Variants in ZNF257 observed in about 807,000 individuals in gnomAD.
ZNF257 encodes zinc finger protein 257, also known as bone marrow zinc finger 4.
ZNF257 carries 12 observed loss-of-function variants against 11.9 expected under a neutral mutation model. The ratio of observed to expected loss-of-function variants is 1.01; its 90% CI spans 0.65 to 1.63. The LOEUF (loss-of-function observed/expected upper bound fraction) is 1.63. ZNF257 is among the 40% of genes most tolerant of loss of function. The pLI, the probability that ZNF257 is intolerant of heterozygous loss-of-function variation, is 0.00. For synonymous variants in ZNF257, 183 were observed against 222.7 expected (o/e 0.82, Z 1.59); for missense variants, 580 against 665.5 (o/e 0.87, Z 1.41).
At chr19:22,062,844 C>G (rs7252023) in intron 1 of ZNF257, among the ~76,000 whole-genome samples, 36,097 of 152,058 alleles carry the variant, frequency 0.24, 5,833 homozygotes, top group African/African-American at 0.46. Context: ...TTTAGTATCA[C>G]AATGATTCTG....
chr19:22,071,982 C>G (rs1236991852), intron 1 of ZNF257, among the ~76,000 whole-genome samples: 1 of 152,134 alleles, frequency 6.6e-6, no homozygotes, highest in Non-Finnish European at 1.5e-5. Context: ...TAAAGAAAGA[C>G]TACTTAAAAT....
intron 3 of ZNF257, among the ~76,000 whole-genome samples, chr19:22,085,566 T>C (rs570455770): frequency 6.6e-6 from 1 of 152,246 alleles, no homozygotes; most frequent in South Asian, 2.1e-4. Context: ...TGTTTTATTA[T>C]TATCAGAGAA....
rs1292697629 is a variant in ZNF257, at chr19:22,088,268, G to A, written c.518G>A (p.Cys173Tyr). 5.0e-6 allele frequency: 8 copies of A among 1,611,276 alleles called. No individual in the cohort carries two copies. Among genetic ancestry groups the A allele is most frequent in the Non-Finnish European group, 5.9e-6 (7 of 1,179,090 alleles). Residue 173 changes from cysteine (C) to tyrosine (Y), a missense_variant, in exon 4 of 4, where the codon TGC becomes TAC. Physicochemically the swap from Cys to Tyr is radical, Grantham distance 194. Coordinates refer to ENST00000594947, the MANE Select transcript of ZNF257 (RefSeq NM_033468.4). ...HKIRHTEKKT[C>Y]KCKECGKSFC... ...ATAAGACATACTGAAAAGAAAACTT[G>A]CAAATGTAAAGAATGTGGCAAATCA...
chr19:22,052,820 C>T (rs1410424042), intron 1 of ZNF257, among the ~76,000 whole-genome samples, 185 bp downstream of exon 1: 2 of 152,074 alleles, frequency 1.3e-5, no homozygotes, highest in Non-Finnish European at 2.9e-5. Context: ...ACAGCCGGGA[C>T]CCCGGGCGTC....
chr19:22,088,743 T>C lies in ZNF257; in HGVS notation c.993T>C (p.Leu331=), dbSNP rs2022546224. Residue 331 remains leucine, a synonymous_variant, in exon 4 of 4, where the codon CTT becomes CTC. Transcript: ENST00000594947. The part of the protein sequence containing the change: ...CGKAFNQSSA[L]TRHKMIHTGE... The stretch of plus-strand genomic sequence containing the variant: ...AAGCCTTTAACCAGTCCTCAGCCCT[T>C]ACTCGACATAAGATGATTCATACTG... 1 of 1,611,994 alleles carries C rather than the reference T, an allele frequency of 6.2e-7. No individual in the cohort carries two copies. The highest frequency in any genetic ancestry group is 8.5e-7 in the Non-Finnish European group (1 of 1,179,548).
At chr19:22,067,159 A>G (rs1309560665) in intron 1 of ZNF257, among the ~76,000 whole-genome samples, 1 of 152,152 alleles carries the variant, frequency 6.6e-6, no homozygotes, top group Non-Finnish European at 1.5e-5. Flanking sequence ...TTTGGTATCT[A>G]TAGGCCACTA....
Position 22,085,993 on chromosome 19 carries a change from T to C in ZNF257, c.227-1984T>C, listed in dbSNP as rs146601906. Among the ~76,000 whole-genome samples, 820 of 152,238 alleles carry C rather than the reference T, an allele frequency of 5.4e-3. 3 individuals carry two copies. The highest frequency in any genetic ancestry group is 0.018 in the African/African-American group (752 of 41,498). On this transcript the variant is annotated intron_variant, in intron 3 of 3. Transcript: ENST00000594947. Reference sequence around the variant, plus strand: ...AGGCAAGTCTGGCCTTGAGTTTTAATGTTTTTTAATGAATCCCTTTATTTG... The same window carrying C: ...AGGCAAGTCTGGCCTTGAGTTTTAACGTTTTTTAATGAATCCCTTTATTTG...
chr19:22,074,137 A>AT (rs2022173535), intron 3 of ZNF257, among the ~76,000 whole-genome samples: 1 of 151,154 alleles, frequency 6.6e-6, no homozygotes, highest in South Asian at 2.1e-4. Flanking sequence ...TTAGCCTTGT[A>AT]TTTTCCGTTA....
chr19:22,080,751 A>G (rs1397388390), intron 3 of ZNF257, among the ~76,000 whole-genome samples: 2 of 151,820 alleles, frequency 1.3e-5, no homozygotes, highest in Non-Finnish European at 1.5e-5. Context: ...CTATGTTGCT[A>G]TGTATTTCCT....
At position 22,058,160 on chromosome 19, in the gene ZNF257, T is replaced by C. The variant is rs142484497; in HGVS notation, c.3+5525T>C. Among the ~76,000 whole-genome samples the C allele has an allele frequency of 9.2e-3, 1,407 of 152,266 alleles. 11 individuals carry two copies. Among genetic ancestry groups the C allele is most frequent in the African/African-American group, 0.012 (487 of 41,544 alleles). ...AAAAAGAGCCCCATCTAAGTTATAA[T>C]GGAAAGGGTGTTTCTTTCCATGAAC... On this transcript the variant is annotated intron_variant, in intron 1 of 3. Transcript: ENST00000594947.
In ZNF257 at chr19:22,052,512, C is replaced by A; in HGVS notation, c.-121C>A. The A allele has an allele frequency of 1.7e-6, 2 of 1,193,654 alleles. No homozygotes were observed. Among genetic ancestry groups the A allele is most frequent in the Non-Finnish European group, 1.2e-6 (1 of 822,328 alleles). 73.9% of individuals were successfully genotyped at this position (1,193,654 alleles called of 1,614,324 possible). ...TTGTCTCTCGCTCTAGCCCGAGCTG[C>A]AGGTCTCGTCTTCCCTGGTCTGTGT... On this transcript the variant is annotated 5_prime_UTR_variant, in exon 1 of 4. Coordinates refer to ENST00000594947, the MANE Select transcript of ZNF257 (RefSeq NM_033468.4).
chr19:22,088,242 G>T lies in ZNF257; in HGVS notation c.492G>T (p.Lys164Asn), dbSNP rs752284656. 6.2e-7 allele frequency: 1 copy of T among 1,612,540 alleles called. No individual in the cohort carries two copies. The highest frequency in any genetic ancestry group is 1.1e-5 in the South Asian group (1 of 90,950). Residue 164 changes from lysine (K) to asparagine (N), a missense_variant, in exon 4 of 4, where the codon AAG becomes AAT. Lys to Asn is a moderately conservative substitution (Grantham distance 94, BLOSUM62 0). Coordinates refer to ENST00000594947, the MANE Select transcript of ZNF257 (RefSeq NM_033468.4). ...FYKFSNSDRH[K>N]IRHTEKKTCK... ...AGTTTTCAAATTCAGATAGACATAA[G>T]ATAAGACATACTGAAAAGAAAACTT...
intron 1 of ZNF257, among the ~76,000 whole-genome samples, chr19:22,052,981 G>C (rs937572143): frequency 6.6e-6 from 1 of 152,122 alleles, no homozygotes; most frequent in African/African-American, 2.4e-5. Context: ...GTTCATGAAT[G>C]GGAAGAGCTT....
At chr19:22,068,603 G>A (rs1046822451) in intron 1 of ZNF257, among the ~76,000 whole-genome samples, 1 of 152,096 alleles carries the variant, frequency 6.6e-6, no homozygotes, top group Non-Finnish European at 1.5e-5. Context: ...TTCAAGTCTT[G>A]TCCAGTGACC....
At chr19:22,053,366 C>CAAAAAA (rs61426953) in intron 1 of ZNF257, among the ~76,000 whole-genome samples, 2 of 76,476 alleles carry the variant, frequency 2.6e-5, no homozygotes, top group Non-Finnish European at 2.6e-5. Context: ...GACTCCGTCT[C>CAAAAAA]AAAAAAAAAA....
At chr19:22,080,466 G>A (rs1022655492) in intron 3 of ZNF257, among the ~76,000 whole-genome samples, 1 of 152,184 alleles carries the variant, frequency 6.6e-6, no homozygotes, top group East Asian at 1.9e-4. Flanking sequence ...TTACCATGTG[G>A]TATGTCCAGT....
chr19:22,065,017 G>A (rs1033115626), intron 1 of ZNF257, among the ~76,000 whole-genome samples: 9 of 149,792 alleles, frequency 6.0e-5, no homozygotes, highest in Non-Finnish European at 1.2e-4. Flanking sequence ...CCACGCCATT[G>A]CACTCCAGCC....
rs772189795 is a variant in ZNF257 at position 22,088,417 on chromosome 19, C to G, written c.667C>G (p.His223Asp). 2 of 1,613,622 alleles carry G rather than the reference C, an allele frequency of 1.2e-6. No individual in the cohort carries two copies. Among genetic ancestry groups the G allele is most frequent in the Non-Finnish European group, 1.7e-6 (2 of 1,179,866 alleles). Residue 223 changes from histidine to aspartate, a missense_variant, in exon 4 of 4, where the codon CAT (histidine) becomes GAT (aspartate). Physicochemically the swap from His to Asp is moderately conservative, Grantham distance 81 (BLOSUM62 -1). Coordinates refer to ENST00000594947, the MANE Select transcript of ZNF257 (RefSeq NM_033468.4). ...SSALTRHKMT[H>D]TGEKPYKCEE... Reference sequence around the variant, plus strand: ...AGCTCTTACTCGACATAAGATGACTCATACTGGAGAGAAACCCTACAAATG... The same window carrying G: ...AGCTCTTACTCGACATAAGATGACTGATACTGGAGAGAAACCCTACAAATG...
chr19:22,078,141 A>G (rs1301715574), intron 3 of ZNF257, among the ~76,000 whole-genome samples: 3 of 151,086 alleles, frequency 2.0e-5, no homozygotes, highest in African/African-American at 4.9e-5. Flanking sequence ...AGGAGGCTGA[A>G]GCAGGAGAAT....
Sources: allele counts gnomAD v4.1 joint callset (sites outside exome capture counted in the v4.1 genomes callset), GRCh38; gene constraint gnomAD v4.1.1; transcripts MANE v1.5; gene names NCBI Gene and HGNC (gene_info 2026-07-23, HGNC 2026-07-21).